The following LIPI variants were observed in gnomAD, a reference collection of about 807,000 sequenced individuals.
The protein encoded by LIPI is lipase I, also known as lipase member I.
LIPI carries 59 observed loss-of-function variants against 50.6 expected under a neutral mutation model. The observed-to-expected ratio is 1.16, with a 90% confidence interval of 0.94 to 1.45. The LOEUF (loss-of-function observed/expected upper bound fraction) is 1.45. LIPI is among the 40% of genes most tolerant of loss of function. The pLI is 0.00. For synonymous variants in LIPI, 203 were observed against 178.2 expected, an observed-to-expected ratio of 1.14 and a Z score of -1.11; for missense variants, 586 against 536.3, an observed-to-expected ratio of 1.09 and a Z score of -0.92.
intron 9 of LIPI, among the ~76,000 whole-genome samples, chr21:14,123,288 T>C (rs183089531): frequency 2.2e-4 from 33 of 152,350 alleles, no homozygotes; most frequent in Admixed American, 1.8e-3. Context: ...AGAAGCTTCA[T>C]AGACAATTCC....
At chr21:14,148,644 C>T (rs1292039226) in intron 8 of LIPI, among the ~76,000 whole-genome samples, 4 of 152,316 alleles carry the variant, frequency 2.6e-5, no homozygotes, top group Non-Finnish European at 2.9e-5. Flanking sequence ...ACCTATGCTA[C>T]ACTCCATATA....
intron 9 of LIPI, among the ~76,000 whole-genome samples, chr21:14,116,364 G>T (rs1227162299): frequency 6.6e-6 from 1 of 152,158 alleles, no homozygotes; most frequent in East Asian, 1.9e-4. Flanking sequence ...CTTCACAGCA[G>T]TAGTTGGGTG....
intron 1 of LIPI, among the ~76,000 whole-genome samples, chr21:14,192,985 CTT>C (rs1260154686): frequency 6.6e-6 from 1 of 152,088 alleles, no homozygotes. Context: ...TGCTTTGTAA[CTT>C]TACTTTTTAT....
Position 14,201,065 on chromosome 21 carries a change from G to C in LIPI, c.46+9735C>G, listed in dbSNP as rs968076530. On this transcript the variant is annotated intron_variant, in intron 1 of 9. Coordinates refer to ENST00000681601, the MANE Select transcript of LIPI (RefSeq NM_001302998.2). ...GATAACTGACTAGCCATATGAAGAA[G>C]ATTGAAACTGGACTCCTTCCTTACA... Among the ~76,000 whole-genome samples, 11 of 151,992 alleles carry C rather than the reference G, an allele frequency of 7.2e-5. No homozygotes were observed. The East Asian group carries it at 9.7e-4, about 13-fold the overall frequency.
intron 4 of LIPI, 143 bp downstream of exon 4, chr21:14,181,615 T>C (rs1420469908): frequency 1.6e-6 from 1 of 616,642 alleles, no homozygotes; most frequent in Non-Finnish European, 2.9e-6. Flanking sequence ...GAAATATTGC[T>C]TGGGAAATAT....
intron 1 of LIPI, among the ~76,000 whole-genome samples, chr21:14,197,926 C>A (rs2019918335): frequency 6.6e-6 from 1 of 152,058 alleles, no homozygotes; most frequent in Non-Finnish European, 1.5e-5. Flanking sequence ...CACCTTTCAG[C>A]TGAAACCCTA....
intron 9 of LIPI, among the ~76,000 whole-genome samples, chr21:14,127,401 T>C (rs1361388462): frequency 1.3e-5 from 2 of 152,016 alleles, no homozygotes; most frequent in African/African-American, 4.8e-5. Flanking sequence ...ATGTAGAGAG[T>C]TTTGCTCAAC....
intron 9 of LIPI, among the ~76,000 whole-genome samples, chr21:14,136,472 G>A (rs984648510): frequency 3.3e-5 from 5 of 152,164 alleles, no homozygotes; most frequent in Non-Finnish European, 7.4e-5. Flanking sequence ...ATGGGGTGAG[G>A]CTCCCCTGTC....
At chr21:14,121,740 C>T (rs189916167) in intron 9 of LIPI, among the ~76,000 whole-genome samples, 7 of 152,204 alleles carry the variant, frequency 4.6e-5, no homozygotes, top group East Asian at 3.9e-4. Context: ...CCATCACAGC[C>T]GACAAACCTG....
In LIPI at chr21:14,189,343, T is replaced by C; in HGVS notation, c.123A>G (p.Ile41Met). 6.2e-7 allele frequency: 1 copy of C among 1,611,380 alleles called. No homozygotes were observed. The highest frequency in any genetic ancestry group is 1.1e-5 in the South Asian group (1 of 91,000). ...TTGTATACATCATCAGAATGGTCTC[T>C]ATTCTCGGAATAAATAAATCTCTGA... ...DSFRDLFIPR[I>M]ETILMMYTRN... is the part of the protein sequence containing the mutation. Residue 41 changes from isoleucine to methionine, a missense_variant, in exon 2 of 10, where the codon ATA becomes ATG. Ile to Met is a conservative substitution (Grantham distance 10). Coordinates refer to ENST00000681601, the MANE Select transcript of LIPI (RefSeq NM_001302998.2).
At chr21:14,171,355 GA>G (rs1765476026) in intron 4 of LIPI, among the ~76,000 whole-genome samples, 1 of 147,436 alleles carries the variant, frequency 6.8e-6, no homozygotes, top group Admixed American at 6.8e-5. Context: ...CACAGAATTG[GA>G]AAAAACTACT....
intron 3 of LIPI, 25 bp downstream of exon 3, chr21:14,185,936 A>G (rs757443878): frequency 7.8e-7 from 1 of 1,274,758 alleles, no homozygotes; most frequent in South Asian, 1.2e-5. Flanking sequence ...ATGCTAAAGC[A>G]ATAATTTTAT....
At chr21:14,142,485 A>AT (rs1568846340) in intron 9 of LIPI, among the ~76,000 whole-genome samples, 4 of 145,702 alleles carry the variant, frequency 2.7e-5, no homozygotes, top group Admixed American at 6.8e-5. Context: ...TTATATATAT[A>AT]TTTTGTTGTT....
At chr21:14,210,376 A>G (rs1468350793) in intron 1 of LIPI, among the ~76,000 whole-genome samples, 1 of 152,122 alleles carries the variant, frequency 6.6e-6, no homozygotes, top group African/African-American at 2.4e-5. Context: ...TTTGTTTTGC[A>G]ATCGATAATT....
intron 4 of LIPI, among the ~76,000 whole-genome samples, chr21:14,177,905 T>C (rs951939069): frequency 6.8e-6 from 1 of 147,856 alleles, no homozygotes; most frequent in African/African-American, 2.5e-5. Context: ...AAGGGTAACC[T>C]TTCTGCTCAT....
chr21:14,181,818 A>G lies in LIPI; in HGVS notation c.583T>C (p.Tyr195His). 1 of 1,612,674 alleles carries G rather than the reference A, an allele frequency of 6.2e-7. No homozygotes were observed. Among genetic ancestry groups the G allele is most frequent in the South Asian group, 1.1e-5 (1 of 91,034 alleles). Residue 195 changes from tyrosine (Y) to histidine (H), a missense_variant, in exon 4 of 10, where the codon TAT becomes CAT. By Grantham distance (83) the Tyr-to-His change is moderately conservative. Transcript: ENST00000681601. ...GCATCCGTGTAATCTAATCTGCTAT[A>G]TGGTGGTTTTCTGGAGAACCTTGGC... ...AGPRFSRKPPYSRLDYTDAKF... is the reference protein window; with the variant it reads ...AGPRFSRKPPHSRLDYTDAKF...
rs541537562 is a variant in LIPI at position 14,174,320 on chromosome 21, T to A, written c.643+7438A>T. On this transcript the variant is annotated intron_variant, in intron 4 of 9. Coordinates refer to ENST00000681601, the MANE Select transcript of LIPI (RefSeq NM_001302998.2). ...GGGGAGAGCAGCTATGACTTTTTAATTTTCCTTTTATTGTAAAATATAAGA... is the reference window on the plus strand; with the variant it reads ...GGGGAGAGCAGCTATGACTTTTTAAATTTCCTTTTATTGTAAAATATAAGA... 3.9e-5 allele frequency among the ~76,000 whole-genome samples: 6 copies of A among 152,310 alleles called. No homozygotes were observed. The East Asian group carries it at 1.2e-3, about 29-fold the overall frequency.
intron 9 of LIPI, among the ~76,000 whole-genome samples, chr21:14,137,653 AG>A (rs2017552757): frequency 6.6e-6 from 1 of 152,210 alleles, no homozygotes; most frequent in African/African-American, 2.4e-5. Flanking sequence ...AGAAAGAGAT[AG>A]GGGTAGAAAG....
At chr21:14,154,180 C>T (rs1258954964) in intron 7 of LIPI, among the ~76,000 whole-genome samples, 2 of 149,948 alleles carry the variant, frequency 1.3e-5, no homozygotes, top group Non-Finnish European at 3.0e-5. Context: ...AAAAATAAAT[C>T]AATGAATACA....
Sources: allele counts gnomAD v4.1 joint callset (sites outside exome capture counted in the v4.1 genomes callset), GRCh38; gene constraint gnomAD v4.1.1; transcripts MANE v1.5; gene names NCBI Gene and HGNC (gene_info 2026-07-23, HGNC 2026-07-21).